MAPK8: variants seen among roughly 807,000 people sequenced by gnomAD.
The protein encoded by MAPK8 is mitogen-activated protein kinase 8.
A neutral mutation model predicts 52.9 loss-of-function variants in MAPK8; 13 were observed. That is an observed-to-expected ratio of 0.25 (90% confidence interval 0.16 to 0.39). The LOEUF (loss-of-function observed/expected upper bound fraction) is 0.39. Ranked by LOEUF, MAPK8 falls within the 10% of genes least tolerant of loss-of-function variation. The pLI, the probability that MAPK8 is intolerant of heterozygous loss-of-function variation, is 1.00. For missense variants in MAPK8, 300 were observed against 519.2 expected, an observed-to-expected ratio of 0.58 and a Z score of 4.10; for synonymous variants, 191 against 169.8, an observed-to-expected ratio of 1.12 and a Z score of -0.97.
chr10:48,332,512 TTGAG>T (rs569365803), intron 1 of MAPK8, among the ~76,000 whole-genome samples: 64 of 152,310 alleles, frequency 4.2e-4, no homozygotes, highest in African/African-American at 1.4e-3. Flanking sequence ...CATCTTCAGT[TTGAG>T]TGACCCCTAT....
At chr10:48,313,532 AATCTT>A (rs1330526387) in intron 1 of MAPK8, among the ~76,000 whole-genome samples, 2 of 145,236 alleles carry the variant, frequency 1.4e-5, no homozygotes, top group African/African-American at 5.4e-5. Context: ...AAGATTATAA[AATCTT>A]ATGCTACGTC....
At chr10:48,308,870 G>A (rs1841664566) in intron 1 of MAPK8, among the ~76,000 whole-genome samples, 1 of 152,218 alleles carries the variant, frequency 6.6e-6, no homozygotes, top group Admixed American at 6.5e-5. Flanking sequence ...TTGATTTATC[G>A]AAGTTAAAGC....
chr10:48,407,812 C>G (rs1179797717), intron 3 of MAPK8, among the ~76,000 whole-genome samples: 5 of 152,166 alleles, frequency 3.3e-5, no homozygotes, highest in Admixed American at 6.5e-5. Context: ...AACCACTAAT[C>G]AATCTTCTTT....
At position 48,397,806 on chromosome 10, in the gene MAPK8, G is replaced by A. The variant is rs111797459; in HGVS notation, c.-49-3806G>A. On this transcript the variant is annotated intron_variant, in intron 1 of 11. Coordinates refer to ENST00000374189, the MANE Select transcript of MAPK8 (RefSeq NM_001323329.2). ...GGGTTTCACCGTGTTAGCCAGGCTG[G>A]TATTGAACTCCTGACCTCAAGTGAT... Among the ~76,000 whole-genome samples the A allele has an allele frequency of 7.9e-3, 1,204 of 152,158 alleles. 13 individuals are homozygous for A. The highest frequency in any genetic ancestry group is 0.028 in the African/African-American group (1,154 of 41,498).
At chr10:48,401,570 C>T (rs2042161114) in intron 1 of MAPK8, 42 bp from the exon 2 acceptor site, 1 of 1,400,932 alleles carries the variant, frequency 7.1e-7, no homozygotes, top group Non-Finnish European at 1.0e-6. Context: ...AAGATTAAAA[C>T]AAGTTCATTT....
rs1481182012 is a variant in MAPK8 at position 48,437,817 on chromosome 10, C to T, written c.*2788C>T. 1 of 152,248 alleles carries T rather than the reference C, an allele frequency of 6.6e-6. No homozygotes were observed. Among genetic ancestry groups the T allele is most frequent in the East Asian group, 1.9e-4 (1 of 5,204 alleles). 9.4% of individuals were successfully genotyped at this position (152,248 alleles called of 1,614,324 possible). ...TTAAATCAGAAGCCTACACACAACC[C>T]CCTTAACAATCCAAAGAAGCTTGAT... On this transcript the variant is annotated 3_prime_UTR_variant, in exon 12 of 12. Coordinates refer to ENST00000374189, the MANE Select transcript of MAPK8 (RefSeq NM_001323329.2).
At chr10:48,370,042 TATC>T (rs1848407476) in intron 1 of MAPK8, among the ~76,000 whole-genome samples, 1 of 152,146 alleles carries the variant, frequency 6.6e-6, no homozygotes, top group African/African-American at 2.4e-5. Context: ...TTTTTTAAAA[TATC>T]AGGGTCTTGA....
intron 1 of MAPK8, among the ~76,000 whole-genome samples, chr10:48,347,849 AGTAAACATACATGTGCATGTG>A (rs1435803029): frequency 3.3e-5 from 5 of 152,248 alleles, no homozygotes; most frequent in Non-Finnish European, 7.3e-5. Context: ...ACAGTGCTGC[AGTAAACATACATGTGCATGTG>A]GCTTTATAGT....
At chr10:48,319,386 C>T (rs1308074117) in intron 1 of MAPK8, among the ~76,000 whole-genome samples, 1 of 152,176 alleles carries the variant, frequency 6.6e-6, no homozygotes, top group Non-Finnish European at 1.5e-5. Flanking sequence ...ACCTCATACT[C>T]ACTAGCAGTC....
chr10:48,424,353 GTC>G (rs1338960844), intron 7 of MAPK8, among the ~76,000 whole-genome samples, 194 bp downstream of exon 7: 1 of 152,120 alleles, frequency 6.6e-6, no homozygotes, highest in Non-Finnish European at 1.5e-5. Context: ...AGGACATACA[GTC>G]TCTGCTGGTA....
rs1032339069 is a variant in MAPK8, at chr10:48,438,010, T to C, written c.*2981T>C. ...TACAGATAAGACTTGGTTTACACTATTGGCCAGTATCTGCTAAACATATGA... is the reference window on the plus strand; with the variant it reads ...TACAGATAAGACTTGGTTTACACTACTGGCCAGTATCTGCTAAACATATGA... On this transcript the variant is annotated 3_prime_UTR_variant, in exon 12 of 12. Coordinates refer to ENST00000374189, the MANE Select transcript of MAPK8 (RefSeq NM_001323329.2). 4 of 152,258 alleles carry C rather than the reference T, an allele frequency of 2.6e-5. No individual in the cohort carries two copies. The highest frequency in any genetic ancestry group is 5.9e-5 in the Non-Finnish European group (4 of 68,048). The allele number at this position is 152,258 out of a possible 1,614,324, so 9.4% of individuals were successfully genotyped here. A position where few individuals can be genotyped will look rare whatever the true frequency, so the allele number is the denominator to read the frequency against.
Position 48,389,243 on chromosome 10 carries a change from A to G in MAPK8, c.-49-12369A>G, listed in dbSNP as rs552926697. 3.9e-5 allele frequency among the ~76,000 whole-genome samples: 6 copies of G among 152,294 alleles called. No homozygotes were observed. In the South Asian group the frequency reaches 1.2e-3, roughly 32 times the overall value. ...TTGAGGGCTAATAAGGAGTGAGGTT[A>G]AATTTAAGCTTATTACTCTTTTAGG... On this transcript the variant is annotated intron_variant, in intron 1 of 11. Transcript: ENST00000374189.
intron 11 of MAPK8, among the ~76,000 whole-genome samples, chr10:48,434,609 T>C (rs1268700110): frequency 6.6e-6 from 1 of 152,194 alleles, no homozygotes; most frequent in Non-Finnish European, 1.5e-5. Context: ...CATTTCTAAA[T>C]GTGGTTCAGA....
At chr10:48,411,464 A>T (rs542008890) in intron 5 of MAPK8, among the ~76,000 whole-genome samples, 4 of 152,336 alleles carry the variant, frequency 2.6e-5, no homozygotes, top group African/African-American at 9.6e-5. Context: ...TCTGTTTCAC[A>T]TAGCTCCTAT....
intron 1 of MAPK8, among the ~76,000 whole-genome samples, chr10:48,397,298 A>T (rs1276745452): frequency 6.6e-6 from 1 of 151,598 alleles, no homozygotes; most frequent in African/African-American, 2.4e-5. Context: ...ATAGATGTGC[A>T]CTACTACTGT....
chr10:48,432,162 G>C (rs763381373), intron 11 of MAPK8, among the ~76,000 whole-genome samples: 9 of 152,204 alleles, frequency 5.9e-5, no homozygotes, highest in Non-Finnish European at 1.2e-4. Context: ...GCCTTAAAGA[G>C]TGAGTAGTAT....
At chr10:48,371,306 G>A (rs752026055) in intron 1 of MAPK8, among the ~76,000 whole-genome samples, 5 of 151,988 alleles carry the variant, frequency 3.3e-5, no homozygotes, top group Admixed American at 6.6e-5. Context: ...CATAGTTATC[G>A]ATTATTACTC....
At chr10:48,378,093 C>G (rs1024742833) in intron 1 of MAPK8, among the ~76,000 whole-genome samples, 4 of 152,170 alleles carry the variant, frequency 2.6e-5, no homozygotes, top group African/African-American at 9.7e-5. Context: ...CTTCCCCCCT[C>G]CCTCCGCAAC....
intron 1 of MAPK8, among the ~76,000 whole-genome samples, chr10:48,350,866 C>T (rs777766186): frequency 1.4e-4 from 22 of 152,256 alleles, no homozygotes; most frequent in Non-Finnish European, 2.6e-4. Flanking sequence ...ATTTAGAAAA[C>T]CCCATCGTCT....
Sources: gnomAD v4.1 joint callset for allele counts (sites outside exome capture counted in the v4.1 genomes callset) on GRCh38, gnomAD v4.1.1 for gene constraint, MANE v1.5 for transcripts, NCBI Gene and HGNC (gene_info 2026-07-23, HGNC 2026-07-21) for gene names.